SCMH1: variants seen among roughly 807,000 people sequenced by gnomAD.
SCMH1 encodes the protein polycomb protein SCMH1.
Under a neutral mutation model 70.8 loss-of-function variants are expected in SCMH1, and 37 were observed. That is an observed-to-expected ratio of 0.52 (90% CI 0.40 to 0.69). SCMH1 has a LOEUF of 0.69. Ranked by LOEUF, SCMH1 falls within the 30% of genes least tolerant of loss-of-function variation. The pLI is 0.00. For synonymous variants in SCMH1, 292 were observed against 307.4 expected, an observed-to-expected ratio of 0.95 and a Z score of 0.52; for missense variants, 607 against 827.3, an observed-to-expected ratio of 0.73 and a Z score of 3.27.
At chr1:41,136,382 C>CTTTT (rs757034374) in intron 6 of SCMH1, among the ~76,000 whole-genome samples, 1 of 122,012 alleles carries the variant, frequency 8.2e-6, no homozygotes. Context: ...TTCTTTCTTT[C>CTTTT]TTTTTTTTTT....
intron 4 of SCMH1, among the ~76,000 whole-genome samples, chr1:41,158,991 C>T (rs1018148076): frequency 3.9e-5 from 6 of 152,124 alleles, no homozygotes; most frequent in African/African-American, 7.2e-5. Context: ...AAATGAATTA[C>T]GTGAGGAGGT....
Position 41,048,894 on chromosome 1 carries a change from T to A in SCMH1, c.1106-4A>T. ...TTCTTGTTCAAGTAGATACAAACTA[T>A]GGGAGACAAAGAATCAAAGAAGCTT... On this transcript the variant is annotated splice_polypyrimidine_tract_variant and splice_region_variant and intron_variant, in intron 10 of 14. Transcript: ENST00000337495. 6.2e-7 allele frequency: 1 copy of A among 1,605,954 alleles called. No individual in the cohort carries two copies. Among genetic ancestry groups the A allele is most frequent in the African/African-American group, 1.3e-5 (1 of 74,476 alleles).
chr1:41,099,767 A>G (rs933756021), intron 8 of SCMH1, among the ~76,000 whole-genome samples: 2 of 152,206 alleles, frequency 1.3e-5, no homozygotes, highest in African/African-American at 4.8e-5. Flanking sequence ...TTCCTTATGT[A>G]AAATATGGGC....
chr1:41,165,546 T>C (rs545884956), intron 2 of SCMH1, among the ~76,000 whole-genome samples: 49 of 152,268 alleles, frequency 3.2e-4, no homozygotes, highest in African/African-American at 1.1e-3. Context: ...CTTGCCAACA[T>C]TTATCTTTCA....
At chr1:41,032,510 A>G (rs1272713385) in intron 13 of SCMH1, among the ~76,000 whole-genome samples, 1 of 152,208 alleles carries the variant, frequency 6.6e-6, no homozygotes, top group African/African-American at 2.4e-5. Context: ...AGAGGAGGGA[A>G]GTGGCAGTGA....
At chr1:41,211,135 G>A (rs1461463283) in intron 1 of SCMH1, among the ~76,000 whole-genome samples, 1 of 152,230 alleles carries the variant, frequency 6.6e-6, no homozygotes, top group East Asian at 1.9e-4. Flanking sequence ...AACACCAAAA[G>A]CAATGGAAAC....
chr1:41,075,875 C>T (rs1408152125), intron 8 of SCMH1, among the ~76,000 whole-genome samples: 1 of 152,164 alleles, frequency 6.6e-6, no homozygotes, highest in African/African-American at 2.4e-5. Context: ...GGGATAAGAA[C>T]TTGTTTTAAA....
chr1:41,227,831 C>T lies in SCMH1; in HGVS notation c.-118+14228G>A, dbSNP rs545136577. On this transcript the variant is annotated intron_variant, in intron 1 of 14. Coordinates refer to ENST00000337495, the Ensembl canonical transcript of SCMH1. ...GTCTCTACTAAAAATACAAAAAATT[C>T]GCCAGGCATGGTGGTGTGCACCTGT... 2.7e-4 allele frequency among the ~76,000 whole-genome samples: 41 copies of T among 151,908 alleles called. 1 individual carries two copies. Among genetic ancestry groups the T allele is most frequent in the Admixed American group, 1.4e-3 (21 of 15,254 alleles).
chr1:41,082,602 T>C (rs900234235), intron 8 of SCMH1, among the ~76,000 whole-genome samples: 2 of 152,102 alleles, frequency 1.3e-5, no homozygotes, highest in South Asian at 4.1e-4. Flanking sequence ...TACCAGCCAC[T>C]GCAAAAACAT....
intron 10 of SCMH1, among the ~76,000 whole-genome samples, chr1:41,061,691 A>T (rs1204170533): frequency 6.6e-6 from 1 of 152,216 alleles, no homozygotes; most frequent in Non-Finnish European, 1.5e-5. Context: ...ATCAGTAAGG[A>T]CATAATTGAA....
chr1:41,083,982 G>A (rs1660814379), intron 8 of SCMH1, among the ~76,000 whole-genome samples: 1 of 151,994 alleles, frequency 6.6e-6, no homozygotes, highest in Admixed American at 6.6e-5. Flanking sequence ...AATTCAAGAT[G>A]GATTAAAGAC....
chr1:41,151,231 A>G (rs1645049577), intron 5 of SCMH1, among the ~76,000 whole-genome samples: 1 of 152,178 alleles, frequency 6.6e-6, no homozygotes, highest in East Asian at 1.9e-4. Flanking sequence ...TTCTTGTAGA[A>G]AGATAAGATT....
chr1:41,160,372 C>A (rs756322600), intron 4 of SCMH1, among the ~76,000 whole-genome samples: 2 of 152,098 alleles, frequency 1.3e-5, no homozygotes, highest in South Asian at 2.1e-4. Flanking sequence ...AATACACTAA[C>A]CAGGGAGGAA....
At chr1:41,204,204 C>G (rs1654995663) in intron 1 of SCMH1, among the ~76,000 whole-genome samples, 1 of 152,146 alleles carries the variant, frequency 6.6e-6, no homozygotes, top group Non-Finnish European at 1.5e-5. Context: ...AATTTCTTGT[C>G]TCTTAGGCTT....
intron 10 of SCMH1, among the ~76,000 whole-genome samples, chr1:41,052,083 A>G (rs953167627): frequency 1.3e-5 from 2 of 152,224 alleles, no homozygotes; most frequent in African/African-American, 4.8e-5. Context: ...ATACTTAACC[A>G]TTGTGCTGCA....
chr1:41,155,074 T>C (rs996240076), intron 4 of SCMH1, among the ~76,000 whole-genome samples: 1 of 152,220 alleles, frequency 6.6e-6, no homozygotes, highest in African/African-American at 2.4e-5. Flanking sequence ...AGAGGAAATG[T>C]CTAAGCTAAG....
chr1:41,122,018 A>T (rs1672074131), intron 6 of SCMH1, among the ~76,000 whole-genome samples: 1 of 152,236 alleles, frequency 6.6e-6, no homozygotes. Flanking sequence ...TTTAAGCCAG[A>T]GTCAAACTTT....
intron 8 of SCMH1, among the ~76,000 whole-genome samples, chr1:41,090,494 T>C (rs186055537): frequency 9.2e-5 from 14 of 152,030 alleles, no homozygotes; most frequent in African/African-American, 3.4e-4. Flanking sequence ...TGAAATAACC[T>C]TTTCAGGTAA....
At chr1:41,228,454 C>A (rs1434380452) in intron 1 of SCMH1, among the ~76,000 whole-genome samples, 2 of 152,054 alleles carry the variant, frequency 1.3e-5, no homozygotes, top group Non-Finnish European at 2.9e-5. Flanking sequence ...AGAAAACATT[C>A]TATAAGCTAC....
Sources: allele counts gnomAD v4.1 joint callset (sites outside exome capture counted in the v4.1 genomes callset), GRCh38; gene constraint gnomAD v4.1.1; transcripts MANE v1.5; gene names NCBI Gene and HGNC (gene_info 2026-07-23, HGNC 2026-07-21).